Variants in TRPM8 observed in about 807,000 individuals in gnomAD.
TRPM8 encodes the protein TRPM8 cationic channel.
A neutral mutation model predicts 133.7 loss-of-function variants in TRPM8; 110 were observed. That is an observed-to-expected ratio of 0.82 (90% CI 0.70 to 0.96). TRPM8 has a LOEUF of 0.96. Among genes scored for constraint, TRPM8 ranks in the 40% least tolerant of loss-of-function variants. TRPM8 has a pLI of 0.00. For missense variants in TRPM8, 1,291 were observed against 1,379.5 expected (o/e 0.94, Z 1.02); for synonymous variants, 535 against 532.3 (o/e 1.01, Z -0.07).
intron 24 of TRPM8, among the ~76,000 whole-genome samples, chr2:234,009,493 T>G (rs761713848): frequency 2.6e-5 from 4 of 152,096 alleles, no homozygotes; most frequent in Non-Finnish European, 4.4e-5. Flanking sequence ...GGCCCCAGCC[T>G]GGGCCCTGGG....
chr2:234,015,251 A>G (rs1692930716), intron 25 of TRPM8, among the ~76,000 whole-genome samples: 1 of 152,118 alleles, frequency 6.6e-6, no homozygotes, highest in African/African-American at 2.4e-5. Flanking sequence ...TGCTTTTATT[A>G]TGTTTTCTCA....
chr2:233,934,214 G>A (rs1476073768), intron 3 of TRPM8, among the ~76,000 whole-genome samples: 1 of 152,098 alleles, frequency 6.6e-6, no homozygotes, highest in East Asian at 1.9e-4. Flanking sequence ...TGATGAGGGG[G>A]TACTCAGCAG....
chr2:233,972,505 G>A (rs369098432), intron 17 of TRPM8, among the ~76,000 whole-genome samples: 64 of 152,354 alleles, frequency 4.2e-4, no homozygotes, highest in East Asian at 2.3e-3. Flanking sequence ...GGGACTGGGC[G>A]CCATGGAGCA....
At chr2:233,979,864 T>G (rs1691962369) in intron 17 of TRPM8, among the ~76,000 whole-genome samples, 2 of 152,226 alleles carry the variant, frequency 1.3e-5, no homozygotes, top group African/African-American at 4.8e-5. Flanking sequence ...CTGTACATGG[T>G]GGCTGGACAG....
At position 234,000,233 on chromosome 2, in the gene TRPM8, C is replaced by T. The variant is rs200670196; in HGVS notation, c.3130+3717C>T. 2.6e-5 allele frequency among the ~76,000 whole-genome samples: 4 copies of T among 151,850 alleles called. No individual in the cohort carries two copies. In the East Asian group the frequency reaches 7.8e-4, roughly 29 times the overall value. On this transcript the variant is annotated intron_variant, in intron 22 of 25. Transcript: ENST00000324695. ...TCAAGTGATTCTCCTGCCTCAGCCTCCCAAGTAGCTGGGACTACAGGCACC... is the reference window on the plus strand; with the variant it reads ...TCAAGTGATTCTCCTGCCTCAGCCTTCCAAGTAGCTGGGACTACAGGCACC...
At chr2:233,984,707 A>G (rs1427285707) in intron 20 of TRPM8, among the ~76,000 whole-genome samples, 2 of 152,144 alleles carry the variant, frequency 1.3e-5, no homozygotes, top group Non-Finnish European at 2.9e-5. Context: ...CTTCTGCCAG[A>G]GCGATTCTTT....
Position 233,940,605 on chromosome 2 carries a change from T to C in TRPM8, c.526+1430T>C, listed in dbSNP as rs564217660. Reference sequence around the variant, plus strand: ...TGAAGTGATTGAGGAAGTTGAATAGTTTCATTGTTGCTAGTTGTCCACTTG... The same window carrying C: ...TGAAGTGATTGAGGAAGTTGAATAGCTTCATTGTTGCTAGTTGTCCACTTG... On this transcript the variant is annotated intron_variant, in intron 5 of 25. Transcript: ENST00000324695. 2.6e-5 allele frequency among the ~76,000 whole-genome samples: 4 copies of C among 152,318 alleles called. No individual in the cohort carries two copies. In the South Asian group the frequency reaches 8.3e-4, roughly 32 times the overall value.
chr2:233,999,335 A>G (rs6719854), intron 22 of TRPM8, among the ~76,000 whole-genome samples: 4,850 of 151,248 alleles, frequency 0.032, 173 homozygotes, highest in East Asian at 0.087. Context: ...GGGTTCCTGC[A>G]AAAAGCAGGT....
chr2:233,982,989 G>A, intron 19 of TRPM8, 64 bp from the exon 20 acceptor site: 1 of 1,561,272 alleles, frequency 6.4e-7, no homozygotes, highest in East Asian at 2.3e-5. Context: ...AGGACGGCCG[G>A]GCCGGGGGGA....
intron 3 of TRPM8, among the ~76,000 whole-genome samples, chr2:233,935,134 A>T (rs1691764296): frequency 6.6e-6 from 1 of 152,254 alleles, no homozygotes; most frequent in African/African-American, 2.4e-5. Flanking sequence ...TTATTTGCTC[A>T]TTTGTTCATT....
intron 6 of TRPM8, 87 bp downstream of exon 6, chr2:233,942,835 G>C: frequency 1.3e-6 from 2 of 1,503,320 alleles, no homozygotes; most frequent in Non-Finnish European, 1.8e-6. Flanking sequence ...GGGGCTCTGT[G>C]ATGGAGCCAG....
chr2:233,982,056 C>G, intron 19 of TRPM8, 141 bp downstream of exon 19: 7 of 932,660 alleles, frequency 7.5e-6, no homozygotes, highest in Non-Finnish European at 1.1e-5. Flanking sequence ...TGTATTTCAT[C>G]AGGGGCCTCT....
chr2:233,955,320 A>G, intron 11 of TRPM8, 70 bp downstream of exon 11: 1 of 1,136,660 alleles, frequency 8.8e-7, no homozygotes, highest in East Asian at 2.4e-5. Flanking sequence ...TGTCTGATCC[A>G]TTTCCAACAA....
Position 233,969,729 on chromosome 2 carries a change from C to T in TRPM8, c.2060C>T (p.Ser687Phe). ...FLSKQWYGEI[S>F]RDTKNWKIIL... Reference sequence around the variant, plus strand: ...TCTAAGCAATGGTATGGAGAGATTTCCCGAGACACCAAGAACTGGAAGATT... The same window carrying T: ...TCTAAGCAATGGTATGGAGAGATTTTCCGAGACACCAAGAACTGGAAGATT... Residue 687 changes from serine to phenylalanine, a missense_variant, in exon 16 of 26, where the codon TCC becomes TTC. By Grantham distance (155) the Ser-to-Phe change is radical (BLOSUM62 -2). Coordinates refer to ENST00000324695, the MANE Select transcript of TRPM8 (RefSeq NM_024080.5). The T allele has an allele frequency of 1.2e-6, 2 of 1,613,658 alleles. No homozygotes were observed. Among genetic ancestry groups the T allele is most frequent in the Non-Finnish European group, 1.7e-6 (2 of 1,179,644 alleles).
chr2:233,962,997 C>T (rs1691476505), intron 12 of TRPM8, among the ~76,000 whole-genome samples: 1 of 152,188 alleles, frequency 6.6e-6, no homozygotes, highest in Admixed American at 6.5e-5. Context: ...TGCCTTCTGT[C>T]AGCCTGTCAG....
intron 22 of TRPM8, 41 bp downstream of exon 22, chr2:233,996,557 G>C (rs1559546689): frequency 6.3e-7 from 1 of 1,585,684 alleles, no homozygotes; most frequent in African/African-American, 1.3e-5. Context: ...CAGAAGCAGC[G>C]ATTAATTTCA....
intron 22 of TRPM8, among the ~76,000 whole-genome samples, chr2:234,000,386 G>T (rs964245910): frequency 6.6e-6 from 1 of 152,174 alleles, no homozygotes; most frequent in Non-Finnish European, 1.5e-5. Flanking sequence ...TGGGATTACA[G>T]GCATGAGCCA....
chr2:233,984,132 G>A (rs1692083006), intron 20 of TRPM8, among the ~76,000 whole-genome samples: 1 of 152,166 alleles, frequency 6.6e-6, no homozygotes, highest in African/African-American at 2.4e-5. Context: ...ATTGGCAGGC[G>A]GGGTTCAGAT....
chr2:233,969,861 T>A lies in TRPM8; in HGVS notation c.2138+54T>A, dbSNP rs1051998274. ...GAGTGTGTGTGCCAGTGTGTGTACA[T>A]GCATCCACATATGTGTGCTCTCATG... On this transcript the variant is annotated intron_variant, in intron 16 of 25. Transcript: ENST00000324695. 17 of 1,064,218 alleles carry A rather than the reference T, an allele frequency of 1.6e-5. No homozygotes were observed. In the African/African-American group the frequency reaches 2.7e-4, roughly 17 times the overall value. 65.9% of individuals were successfully genotyped at this position (1,064,218 alleles called of 1,614,324 possible).
Sources: gnomAD v4.1 joint callset for allele counts (sites outside exome capture counted in the v4.1 genomes callset) on GRCh38, gnomAD v4.1.1 for gene constraint, MANE v1.5 for transcripts, NCBI Gene and HGNC (gene_info 2026-07-23, HGNC 2026-07-21) for gene names.